Variants in TNR observed in about 807,000 individuals in gnomAD.
The protein encoded by TNR is tenascin R, also known as tenascin-R.
TNR carries 45 observed loss-of-function variants against 150.4 expected under a neutral mutation model. That is an observed-to-expected ratio of 0.30 (90% CI 0.24 to 0.38). TNR has a LOEUF of 0.38. Among genes scored for constraint, TNR ranks in the 10% least tolerant of loss-of-function variants. TNR has a pLI of 1.00. For missense variants in TNR, 1,544 were observed against 1,759.1 expected (o/e 0.88, Z 2.19); for synonymous variants, 687 against 678.4 (o/e 1.01, Z -0.20).
chr1:175,320,984 G>T lies in TNR; in HGVS notation c.*2373C>A, dbSNP rs1377388412. ...TAGTCTAATCTCTCATCTGACAGAT[G>T]AAGAAACTGGCCCAGAGAGGTGAAA... is the stretch of plus-strand genomic sequence containing the variant. On this transcript the variant is annotated 3_prime_UTR_variant, in exon 23 of 23. Transcript: ENST00000367674. 1 of 152,098 alleles carries T rather than the reference G, an allele frequency of 6.6e-6. No homozygotes were observed. Among genetic ancestry groups the T allele is most frequent in the Non-Finnish European group, 1.5e-5 (1 of 68,022 alleles). The allele number at this position is 152,098 out of a possible 1,614,324, so 9.4% of individuals were successfully genotyped here. A position where few individuals can be genotyped will look rare whatever the true frequency, so the allele number is the denominator to read the frequency against.
chr1:175,334,448 G>T (rs1650121966), intron 20 of TNR, among the ~76,000 whole-genome samples: 1 of 152,372 alleles, frequency 6.6e-6, no homozygotes, highest in Admixed American at 6.5e-5. Flanking sequence ...TGTAGGCATA[G>T]TTTCTATAAT....
At chr1:175,392,764 C>T (rs1406383922) in intron 6 of TNR, among the ~76,000 whole-genome samples, 1 of 152,140 alleles carries the variant, frequency 6.6e-6, no homozygotes, top group Non-Finnish European at 1.5e-5. Flanking sequence ...CCCAGGTACT[C>T]GTTTTAAGCC....
chr1:175,722,522 T>C (rs1032259044), intron 1 of TNR, among the ~76,000 whole-genome samples: 10 of 152,188 alleles, frequency 6.6e-5, no homozygotes, highest in Non-Finnish European at 1.2e-4. Context: ...TAGAGTGCAG[T>C]GGCACCATCT....
chr1:175,638,807 G>A lies in TNR; in HGVS notation c.-165+104419C>T, dbSNP rs116748304. On this transcript the variant is annotated intron_variant, in intron 1 of 22. Transcript: ENST00000367674. ...GTGGCATAATTTAACTAAACAATCC[G>A]TCCTTGTTGGCATCTAGAATTTTTT... is the stretch of plus-strand genomic sequence containing the variant. 3.5e-3 allele frequency among the ~76,000 whole-genome samples: 534 copies of A among 152,094 alleles called. 6 individuals carry two copies. Among genetic ancestry groups the A allele is most frequent in the African/African-American group, 0.012 (478 of 41,490 alleles).
chr1:175,641,287 C>A (rs1344919081), intron 1 of TNR, among the ~76,000 whole-genome samples: 1 of 151,378 alleles, frequency 6.6e-6, no homozygotes, highest in Non-Finnish European at 1.5e-5. Flanking sequence ...GGACGGAGGG[C>A]AGGGTTGGAG....
intron 1 of TNR, among the ~76,000 whole-genome samples, chr1:175,721,549 T>C (rs1667301281): frequency 6.6e-6 from 1 of 152,156 alleles, no homozygotes; most frequent in Non-Finnish European, 1.5e-5. Flanking sequence ...CCGTTAGCTG[T>C]AATCCTGCTC....
chr1:175,388,176 T>C (rs1468872372), intron 7 of TNR, among the ~76,000 whole-genome samples: 1 of 151,926 alleles, frequency 6.6e-6, no homozygotes, highest in African/African-American at 2.4e-5. Flanking sequence ...ACTCAGTAAA[T>C]GTGTGTCGAG....
intron 21 of TNR, among the ~76,000 whole-genome samples, chr1:175,327,034 ATTCTT>A (rs1327359834): frequency 3.9e-5 from 6 of 152,094 alleles, no homozygotes; most frequent in Admixed American, 3.9e-4. Context: ...TGTCTTAAAA[ATTCTT>A]AGATTAATCC....
intron 2 of TNR, among the ~76,000 whole-genome samples, chr1:175,454,001 G>A (rs1404345581): frequency 6.6e-6 from 1 of 152,180 alleles, no homozygotes; most frequent in East Asian, 1.9e-4. Context: ...GGGCCCTGCT[G>A]TCCTCACAGG....
intron 2 of TNR, among the ~76,000 whole-genome samples, chr1:175,491,642 C>CTTTTTTT (rs60469855): frequency 1.5e-4 from 13 of 85,184 alleles, no homozygotes; most frequent in Admixed American, 3.0e-4. Flanking sequence ...CAGGCCCAGA[C>CTTTTTTT]TTTTTTTTTT....
intron 1 of TNR, among the ~76,000 whole-genome samples, chr1:175,674,365 G>C (rs879869104): frequency 3.9e-5 from 6 of 152,172 alleles, no homozygotes; most frequent in African/African-American, 1.2e-4. Flanking sequence ...CTCTGGCGTG[G>C]AGCTGGACCC....
chr1:175,679,423 G>C (rs1233730540), intron 1 of TNR, among the ~76,000 whole-genome samples: 2 of 152,248 alleles, frequency 1.3e-5, no homozygotes, highest in African/African-American at 4.8e-5. Flanking sequence ...GTAGCAGCTA[G>C]AGGAGGGAGA....
At chr1:175,578,790 C>A (rs1662222397) in intron 1 of TNR, among the ~76,000 whole-genome samples, 1 of 152,206 alleles carries the variant, frequency 6.6e-6, no homozygotes, top group Non-Finnish European at 1.5e-5. Flanking sequence ...GCCAGCCTGG[C>A]AATTAGTGTG....
In TNR at chr1:175,338,943, G is replaced by A. The variant is rs1025988592; in HGVS notation, c.3383-1264C>T. Among the ~76,000 whole-genome samples, 3 of 152,328 alleles carry A rather than the reference G, an allele frequency of 2.0e-5. 1 individual carries two copies. The highest frequency in any genetic ancestry group is 4.1e-4 in the South Asian group (2 of 4,820). ...TTCAACTTGCTGCCACACACCCGTC[G>A]AGGGCGCACTGGCCTAACGTAGTTT... On this transcript the variant is annotated intron_variant, in intron 18 of 22. Coordinates refer to ENST00000367674, the MANE Select transcript of TNR (RefSeq NM_003285.3).
intron 2 of TNR, among the ~76,000 whole-genome samples, chr1:175,467,401 A>C (rs529241800): frequency 6.6e-6 from 1 of 152,344 alleles, no homozygotes; most frequent in South Asian, 2.1e-4. Context: ...CCTAGTTTGC[A>C]CAATGAAACA....
intron 1 of TNR, among the ~76,000 whole-genome samples, chr1:175,612,794 T>C (rs1247076871): frequency 1.3e-5 from 2 of 152,242 alleles, no homozygotes; most frequent in Admixed American, 6.5e-5. Context: ...CCAAGTTTTC[T>C]GAAGATATGT....
In TNR at chr1:175,415,254, G is replaced by A. The variant is rs146046824; in HGVS notation, c.-63-8477C>T. The stretch of plus-strand genomic sequence containing the variant: ...TAATTATGAAAGACGAGGGTGTAAT[G>A]TGATTACAGCCGGCCCCATTGTGTC... On this transcript the variant is annotated intron_variant, in intron 2 of 22. Coordinates refer to ENST00000367674, the MANE Select transcript of TNR (RefSeq NM_003285.3). Among the ~76,000 whole-genome samples the A allele has an allele frequency of 2.4e-4, 37 of 152,048 alleles. 1 individual carries two copies. Among genetic ancestry groups the A allele is most frequent in the African/African-American group, 8.7e-4 (36 of 41,486 alleles).
intron 1 of TNR, among the ~76,000 whole-genome samples, chr1:175,685,729 T>C (rs1465586414): frequency 6.6e-6 from 1 of 152,176 alleles, no homozygotes; most frequent in East Asian, 1.9e-4. Context: ...GCCTTCTACC[T>C]AGTTTTCTCA....
intron 3 of TNR, 127 bp downstream of exon 3, chr1:175,406,089 A>T: frequency 1.6e-6 from 2 of 1,284,314 alleles, no homozygotes; most frequent in Non-Finnish European, 2.1e-6. Context: ...CCGTGTGAAG[A>T]GATGCCGGGG....
Sources: allele counts gnomAD v4.1 joint callset (sites outside exome capture counted in the v4.1 genomes callset), GRCh38; gene constraint gnomAD v4.1.1; transcripts MANE v1.5; gene names NCBI Gene and HGNC (gene_info 2026-07-23, HGNC 2026-07-21).